The following ZNF84 variants were observed in gnomAD, a reference collection of about 807,000 sequenced individuals.
ZNF84 encodes the protein zinc finger protein HPF2.
In ZNF84, 12 loss-of-function variants were observed where a neutral mutation model predicts 14.8. The observed-to-expected ratio is 0.81, with a 90% CI of 0.52 to 1.31. The LOEUF is 1.31. ZNF84 is among the 50% of genes most tolerant of loss of function. The probability of loss-of-function intolerance (pLI) is 0.00; values close to 1 mark genes in which losing one functional copy is unlikely to be tolerated. For synonymous variants in ZNF84, 347 were observed against 291.1 expected (o/e 1.19, Z -1.96); for missense variants, 859 against 878.6 (o/e 0.98, Z 0.28).
intron 1 of ZNF84, chr12:133,039,190 T>G (rs1178150595): frequency 6.6e-6 from 1 of 152,250 alleles, no homozygotes; most frequent in African/African-American, 2.4e-5. Flanking sequence ...TCATTTCTTG[T>G]ATAACTGGGA....
At chr12:133,039,803 A>G (rs1953854502) in intron 1 of ZNF84, among the ~76,000 whole-genome samples, 1 of 152,136 alleles carries the variant, frequency 6.6e-6, no homozygotes, top group African/African-American at 2.4e-5. Flanking sequence ...ACCACAATAA[A>G]CATTAAATGT....
intron 4 of ZNF84, among the ~76,000 whole-genome samples, chr12:133,056,640 A>G (rs981054848): frequency 6.6e-6 from 1 of 152,174 alleles, no homozygotes; most frequent in Non-Finnish European, 1.5e-5. Flanking sequence ...GAGTGAATTA[A>G]TTACTCAAAA....
intron 2 of ZNF84, among the ~76,000 whole-genome samples, chr12:133,044,198 G>A (rs944185037): frequency 6.6e-6 from 1 of 152,062 alleles, no homozygotes; most frequent in Non-Finnish European, 1.5e-5. Context: ...AGGCTAGAGT[G>A]CAGTGGCACA....
chr12:133,041,894 T>G (rs1193679210), intron 2 of ZNF84, among the ~76,000 whole-genome samples: 1 of 152,242 alleles, frequency 6.6e-6, no homozygotes, highest in African/African-American at 2.4e-5. Context: ...ATGAGAGATA[T>G]GCAGTAGTTC....
intron 1 of ZNF84, chr12:133,037,897 C>G (rs1953814725): frequency 6.6e-6 from 1 of 152,282 alleles, no homozygotes; most frequent in African/African-American, 2.4e-5. Flanking sequence ...AGCGGCTGCC[C>G]TGCTGGACCG....
In ZNF84 at chr12:133,059,028, T is replaced by G; in HGVS notation, c.*96T>G. 3 of 1,147,074 alleles carry G rather than the reference T, an allele frequency of 2.6e-6. No homozygotes were observed. Among genetic ancestry groups the G allele is most frequent in the South Asian group, 3.0e-5 (2 of 66,444 alleles). 71.1% of individuals were successfully genotyped at this position (1,147,074 alleles called of 1,614,324 possible). ...AGACAGTCACGTCATGTTAGGTGTT[T>G]GTACTCCATGAGGATGAGAACTCTA... is the stretch of plus-strand genomic sequence containing the variant. On this transcript the variant is annotated 3_prime_UTR_variant, in exon 5 of 5. Transcript: ENST00000539354.
intron 2 of ZNF84, among the ~76,000 whole-genome samples, chr12:133,045,300 A>G (rs1388220564): frequency 6.6e-6 from 1 of 152,078 alleles, no homozygotes; most frequent in African/African-American, 2.4e-5. Flanking sequence ...GTGAAACCCC[A>G]TCTCTACTAA....
intron 4 of ZNF84, among the ~76,000 whole-genome samples, chr12:133,054,176 G>C (rs1367650621): frequency 1.3e-5 from 2 of 152,106 alleles, no homozygotes; most frequent in Non-Finnish European, 2.9e-5. Context: ...GAGCCCAGGA[G>C]TTCAAGAGCA....
chr12:133,041,436 G>C lies in ZNF84; in HGVS notation c.-32G>C, dbSNP rs7961682. 2 of 1,611,404 alleles carry C rather than the reference G, an allele frequency of 1.2e-6. No homozygotes were observed. The highest frequency in any genetic ancestry group is 2.7e-5 in the African/African-American group (2 of 74,788). On this transcript the variant is annotated 5_prime_UTR_variant, in exon 2 of 5. Transcript: ENST00000539354. ...GAGACGCACAGTAGAACCGATCTCA[G>C]CCTTGCTGATCATCTCGTACAGCAG...
chr12:133,044,882 C>A lies in ZNF84; in HGVS notation c.16-3073C>A, dbSNP rs1243451799. Among the ~76,000 whole-genome samples the A allele has an allele frequency of 7.9e-5, 12 of 151,232 alleles. No homozygotes were observed. The East Asian group carries it at 2.3e-3, about 30-fold the overall frequency. The stretch of plus-strand genomic sequence containing the variant: ...TGAGCCGAGATTGCGCCACTGCACT[C>A]CAGCCTGGGCAACAGAGCAAGACTC... On this transcript the variant is annotated intron_variant, in intron 2 of 4. Transcript: ENST00000539354.
Position 133,058,990 on chromosome 12 carries a change from T to C in ZNF84, c.*58T>C. 1 of 1,481,172 alleles carries C rather than the reference T, an allele frequency of 6.8e-7. No homozygotes were observed. Among genetic ancestry groups the C allele is most frequent in the Non-Finnish European group, 9.0e-7 (1 of 1,107,828 alleles). The allele number at this position is 1,481,172 out of a possible 1,614,324, so 91.8% of individuals were successfully genotyped here. Reference sequence around the variant, plus strand: ...TCTTGGACTTCAGGAAATGCAATTATGATAACGTTTGTAGACAGTCACGTC... The same window carrying C: ...TCTTGGACTTCAGGAAATGCAATTACGATAACGTTTGTAGACAGTCACGTC... On this transcript the variant is annotated 3_prime_UTR_variant, in exon 5 of 5. Transcript: ENST00000539354.
At chr12:133,046,014 T>G (rs1055424947) in intron 2 of ZNF84, among the ~76,000 whole-genome samples, 1 of 151,976 alleles carries the variant, frequency 6.6e-6, no homozygotes, top group Non-Finnish European at 1.5e-5. Context: ...TCTCTTAAAG[T>G]ATATTGTGTG....
At chr12:133,046,539 T>C (rs12582457) in intron 2 of ZNF84, among the ~76,000 whole-genome samples, 1 of 152,034 alleles carries the variant, frequency 6.6e-6, no homozygotes, top group Admixed American at 6.6e-5. Flanking sequence ...ATCCACACTG[T>C]GCTCTCCTTT....
chr12:133,060,692 A>G lies in ZNF84; in HGVS notation c.*1760A>G, dbSNP rs1200712537. ...GGAACTATCTGTATAAGGAAACAAGATTTCCATTTTATCATTTGAAATGTA... is the reference window on the plus strand; with the variant it reads ...GGAACTATCTGTATAAGGAAACAAGGTTTCCATTTTATCATTTGAAATGTA... On this transcript the variant is annotated 3_prime_UTR_variant, in exon 5 of 5. Transcript: ENST00000539354. 1 of 152,226 alleles carries G rather than the reference A, an allele frequency of 6.6e-6. No homozygotes were observed. Among genetic ancestry groups the G allele is most frequent in the African/African-American group, 2.4e-5 (1 of 41,456 alleles). 9.4% of individuals were successfully genotyped at this position (152,226 alleles called of 1,614,324 possible).
chr12:133,046,364 T>TAAA (rs1953979018), intron 2 of ZNF84, among the ~76,000 whole-genome samples: 1 of 30,152 alleles, frequency 3.3e-5, no homozygotes, highest in Non-Finnish European at 8.1e-5. Flanking sequence ...TTTTTTTTTT[T>TAAA]TTTTTTTTTT....
At chr12:133,038,476 A>C (rs1953828199) in intron 1 of ZNF84, among the ~76,000 whole-genome samples, 1 of 151,914 alleles carries the variant, frequency 6.6e-6, no homozygotes, top group African/African-American at 2.4e-5. Flanking sequence ...TAGGAGGATC[A>C]CTTGAGCCCA....
In ZNF84 at chr12:133,057,851, A is replaced by C; in HGVS notation, c.1136A>C (p.Asp379Ala). 1 of 1,613,516 alleles carries C rather than the reference A, an allele frequency of 6.2e-7. No homozygotes were observed. The highest frequency in any genetic ancestry group is 8.5e-7 in the Non-Finnish European group (1 of 1,179,574). Residue 379 changes from aspartate to alanine, a missense_variant, in exon 5 of 5, where the codon GAT (aspartate) becomes GCT (alanine). Transcript: ENST00000539354. Reference protein sequence around the residue: ...HTGTKPFGCSDCRKAFFEKSE... With the variant: ...HTGTKPFGCSACRKAFFEKSE... ...GGAACAAAACCCTTTGGATGTAGTG[A>C]TTGTAGAAAAGCATTCTTTGAGAAG...
rs1047312796 is a variant in ZNF84, at chr12:133,039,714, G to A, written c.-190-1564G>A. Among the ~76,000 whole-genome samples, 317 of 152,214 alleles carry A rather than the reference G, an allele frequency of 2.1e-3. 1 individual carries two copies. The highest frequency in any genetic ancestry group is 6.8e-3 in the African/African-American group (282 of 41,526). The stretch of plus-strand genomic sequence containing the variant: ...TTTGTTTCTTAGACTCCCATTGTGA[G>A]GTCCACTTTATCTTCACCATTTTAG... On this transcript the variant is annotated intron_variant, in intron 1 of 4. Coordinates refer to ENST00000539354, the MANE Select transcript of ZNF84 (RefSeq NM_001289971.2).
intron 2 of ZNF84, among the ~76,000 whole-genome samples, chr12:133,046,389 A>C (rs1362518910): frequency 1.5e-5 from 2 of 132,244 alleles, no homozygotes; most frequent in Non-Finnish European, 3.1e-5. Context: ...TTTTTAAATC[A>C]GAGCTGCTGC....
Sources: gnomAD v4.1 joint callset for allele counts (sites outside exome capture counted in the v4.1 genomes callset) on GRCh38, gnomAD v4.1.1 for gene constraint, MANE v1.5 for transcripts, NCBI Gene and HGNC (gene_info 2026-07-23, HGNC 2026-07-21) for gene names.